The following SYT17 variants were observed in gnomAD, a reference collection of about 807,000 sequenced individuals.
SYT17 encodes synaptotagmin-17.
Under a neutral mutation model 46.7 loss-of-function variants are expected in SYT17, and 22 were observed. The observed-to-expected ratio is 0.47, with a 90% CI of 0.34 to 0.67. SYT17 has a LOEUF of 0.67. Ranked by LOEUF, SYT17 falls within the 30% of genes least tolerant of loss-of-function variation. SYT17 has a pLI of 0.01. For missense variants in SYT17, 519 were observed against 612.8 expected (o/e 0.85, Z 1.62); for synonymous variants, 251 against 248.4 (o/e 1.01, Z -0.10).
At chr16:19,227,773 T>G (rs1274778513) in intron 7 of SYT17, among the ~76,000 whole-genome samples, 1 of 152,222 alleles carries the variant, frequency 6.6e-6, no homozygotes, top group Non-Finnish European at 1.5e-5. Flanking sequence ...TATTCATGAA[T>G]TCAGCAAGTG....
intron 7 of SYT17, among the ~76,000 whole-genome samples, chr16:19,243,049 TC>T (rs1967252453): frequency 6.6e-6 from 1 of 152,014 alleles, no homozygotes; most frequent in African/African-American, 2.4e-5. Flanking sequence ...GGTTTCTGCC[TC>T]CCCCCATGCC....
At chr16:19,181,001 G>T (rs1286076388) in intron 4 of SYT17, among the ~76,000 whole-genome samples, 1 of 152,182 alleles carries the variant, frequency 6.6e-6, no homozygotes, top group Admixed American at 6.5e-5. Context: ...AGTTACTAGG[G>T]CAGGGTGGGG....
chr16:19,191,619 T>C (rs1003706416), intron 5 of SYT17, among the ~76,000 whole-genome samples: 1 of 152,230 alleles, frequency 6.6e-6, no homozygotes, highest in Admixed American at 6.5e-5. Flanking sequence ...CAGCCACTTA[T>C]TTTGAAATGC....
chr16:19,245,286 A>G (rs571724502), intron 7 of SYT17, among the ~76,000 whole-genome samples: 6 of 152,176 alleles, frequency 3.9e-5, no homozygotes, highest in East Asian at 1.9e-4. Context: ...TGCTACTGGC[A>G]TCTAGTGGGT....
In SYT17 at chr16:19,183,712, C is replaced by T. The variant is rs774987736; in HGVS notation, c.516C>T (p.Asp172=). The T allele has an allele frequency of 2.5e-6, 4 of 1,614,226 alleles. No homozygotes were observed. The highest frequency in any genetic ancestry group is 3.4e-6 in the Non-Finnish European group (4 of 1,180,040). The change falls in exon 5 of 8, where the codon GAC becomes GAT. Residue 172 remains aspartate (D), a synonymous_variant. Coordinates refer to ENST00000355377, the MANE Select transcript of SYT17 (RefSeq NM_016524.4). This position sits in a 1 kb window ranked among gnomAD's most constrained non-coding sequence, Gnocchi z 5.6. The part of the protein sequence containing the change: ...YSLDSNSDDV[D]SLTDEEILSK... The stretch of plus-strand genomic sequence containing the variant: ...TCGACTCCAACAGCGACGATGTGGA[C>T]TCTCTGACAGACGAGGAGATCCTGT...
At chr16:19,213,438 G>C (rs1965980141) in intron 5 of SYT17, among the ~76,000 whole-genome samples, 1 of 152,192 alleles carries the variant, frequency 6.6e-6, no homozygotes, top group Non-Finnish European at 1.5e-5. Context: ...GTAGATGTAG[G>C]CTCTGTAGAT....
chr16:19,211,313 A>C, intron 5 of SYT17: 1 of 671,902 alleles, frequency 1.5e-6, no homozygotes, highest in Non-Finnish European at 2.7e-6. Flanking sequence ...CATCGTGCTG[A>C]CAACCCCTCT....
At position 19,257,293 on chromosome 16, in the gene SYT17, G is replaced by T. The variant is rs533364717; in HGVS notation, c.1229-9587G>T. 2.7e-5 allele frequency among the ~76,000 whole-genome samples: 4 copies of T among 149,854 alleles called. No individual in the cohort carries two copies. The South Asian group carries it at 8.4e-4, about 31-fold the overall frequency. On this transcript the variant is annotated intron_variant, in intron 7 of 7. Coordinates refer to ENST00000355377, the MANE Select transcript of SYT17 (RefSeq NM_016524.4). ...ATGGATGAAACTTCTTAGAACCAAA[G>T]AAATGTCATAGCTAAAAAAGAACTC...
At chr16:19,221,838 T>C (rs567788976) in intron 5 of SYT17, among the ~76,000 whole-genome samples, 2 of 152,194 alleles carry the variant, frequency 1.3e-5, no homozygotes, top group African/African-American at 2.4e-5. Context: ...GTTAGATAGA[T>C]AGATAGAGAT....
chr16:19,192,761 A>G (rs571409268), intron 5 of SYT17, among the ~76,000 whole-genome samples: 18 of 152,306 alleles, frequency 1.2e-4, no homozygotes, highest in Admixed American at 4.6e-4. Flanking sequence ...TGAGGAAACT[A>G]TAAACAAGGA....
At chr16:19,221,559 CTTGT>C (rs1297543706) in intron 5 of SYT17, among the ~76,000 whole-genome samples, 5 of 152,268 alleles carry the variant, frequency 3.3e-5, no homozygotes, top group East Asian at 1.9e-4. Flanking sequence ...GAGATTGTTT[CTTGT>C]TTGTTTGGGG....
chr16:19,210,071 ATATTTTAT>A (rs896479277), intron 5 of SYT17, among the ~76,000 whole-genome samples: 1 of 132,014 alleles, frequency 7.6e-6, no homozygotes, highest in African/African-American at 2.8e-5. Context: ...TAGTTTTATT[ATATTTTAT>A]TATTTTATTT....
chr16:19,190,234 G>A (rs1964958268), intron 5 of SYT17, among the ~76,000 whole-genome samples: 1 of 152,156 alleles, frequency 6.6e-6, no homozygotes, highest in Admixed American at 6.5e-5. Flanking sequence ...AGTGAGGTGT[G>A]GTGGCGGGCA....
intron 7 of SYT17, among the ~76,000 whole-genome samples, chr16:19,233,113 G>A (rs766473182): frequency 1.4e-4 from 22 of 152,126 alleles, no homozygotes; most frequent in Non-Finnish European, 2.5e-4. Flanking sequence ...CCTCCCTCTC[G>A]CCCTGCTGTC....
At chr16:19,216,543 C>G (rs1043456362) in intron 5 of SYT17, among the ~76,000 whole-genome samples, 1 of 152,058 alleles carries the variant, frequency 6.6e-6, no homozygotes, top group African/African-American at 2.4e-5. Context: ...GCCCCCCAAC[C>G]CCCAACAGAT....
chr16:19,211,473 A>C (rs1965897895), intron 5 of SYT17: 2 of 703,886 alleles, frequency 2.8e-6, no homozygotes, highest in African/African-American at 1.7e-5. Context: ...AGTACCGTGA[A>C]GGAAATGACA....
intron 7 of SYT17, among the ~76,000 whole-genome samples, chr16:19,254,048 G>A (rs938946315): frequency 1.3e-5 from 2 of 152,164 alleles, no homozygotes; most frequent in African/African-American, 2.4e-5. Flanking sequence ...TTCTTTATTT[G>A]TTCTTTTCAG....
chr16:19,202,173 A>G lies in SYT17; in HGVS notation c.951+18026A>G, dbSNP rs2142742855. On this transcript the variant is annotated intron_variant, in intron 5 of 7. Transcript: ENST00000355377. ...CACAGGTTAAGATCTCAGTCCCATA[A>G]GATTGCCCCTGCTTCAGATACCAGT... 2.0e-5 allele frequency among the ~76,000 whole-genome samples: 3 copies of G among 152,144 alleles called. No individual in the cohort carries two copies. In the South Asian group the frequency reaches 6.2e-4, roughly 32 times the overall value.
Position 19,223,182 on chromosome 16 carries a change from C to T in SYT17, c.1072+17C>T. ...AAGGTTCAGGTACCGTGTGATTCCC[C>T]TCTTCTCTCACTTTATTAATGGGGC... On this transcript the variant is annotated intron_variant, in intron 6 of 7. Transcript: ENST00000355377. 2.5e-6 allele frequency: 4 copies of T among 1,611,140 alleles called. No homozygotes were observed. Among genetic ancestry groups the T allele is most frequent in the Non-Finnish European group, 2.5e-6 (3 of 1,177,820 alleles).
Sources: allele counts gnomAD v4.1 joint callset (sites outside exome capture counted in the v4.1 genomes callset), GRCh38; gene constraint gnomAD v4.1.1; non-coding constraint Gnocchi (gnomAD v3.1); transcripts MANE v1.5; gene names NCBI Gene and HGNC (gene_info 2026-07-23, HGNC 2026-07-21).